Variants in RPS29 observed in about 807,000 individuals in gnomAD.
The protein encoded by RPS29 is small ribosomal subunit protein uS14.
For synonymous variants in RPS29, 37 were observed against 26.9 expected, an observed-to-expected ratio of 1.37 and a Z score of -1.16; for missense variants, 60 against 75.7, an observed-to-expected ratio of 0.79 and a Z score of 0.77.
At position 49,594,900 on chromosome 14, in the gene RPS29, A is replaced by G. The variant is rs560473605; in HGVS notation, c.-133+3500T>C. Among the ~76,000 whole-genome samples, 4 of 152,322 alleles carry G rather than the reference A, an allele frequency of 2.6e-5. No homozygotes were observed. The South Asian group carries it at 6.2e-4, about 24-fold the overall frequency. On this transcript the variant is annotated intron_variant, in intron 1 of 3. Coordinates refer to the RPS29 transcript ENST00000556230. ...ACAGCTCTGGCTCTGAGCCTCTGGA[A>G]CCAATGAACTCTGTTCATTGAACAG...
chr14:49,591,068 C>G (rs1036918352), upstream of RPS29, among the ~76,000 whole-genome samples: 1 of 151,810 alleles, frequency 6.6e-6, no homozygotes, highest in African/African-American at 2.4e-5. Context: ...TTGTCCATAT[C>G]GATTTTAGCA....
At chr14:49,581,246 GCT>G (rs1421460594), downstream of RPS29, among the ~76,000 whole-genome samples, 1 of 152,056 alleles carries the variant, frequency 6.6e-6, no homozygotes, top group African/African-American at 2.4e-5. Flanking sequence ...CAGTTAAGAT[GCT>G]CTTTCCATTC....
At chr14:49,580,573 G>A (rs1566477870), downstream of RPS29, among the ~76,000 whole-genome samples, 1 of 152,030 alleles carries the variant, frequency 6.6e-6, no homozygotes, top group African/African-American at 2.4e-5. Context: ...TCAATCACAT[G>A]TTTTCAAAAA....
At chr14:49,581,118 C>T (rs1881321918), downstream of RPS29, among the ~76,000 whole-genome samples, 1 of 151,158 alleles carries the variant, frequency 6.6e-6, no homozygotes, top group Non-Finnish European at 1.5e-5. Flanking sequence ...ACCTGGGAGG[C>T]GGAGGTTGCA....
chr14:49,571,123 C>A (rs560315650), exon 3 of RPS29: 1 of 152,274 alleles, frequency 6.6e-6, no homozygotes, highest in East Asian at 1.9e-4. Flanking sequence ...CTTTATTGTG[C>A]CCTAAAGAAG....
intron 2 of RPS29, 95 bp from the exon 3 acceptor site, chr14:49,583,770 T>C: frequency 2.5e-6 from 2 of 798,966 alleles, no homozygotes; most frequent in Non-Finnish European, 4.3e-6. Flanking sequence ...GTTATAGAAT[T>C]ACAGAACTGG....
At chr14:49,598,487 C>G (rs1211254994) in exon 1 of RPS29, 1 of 702,380 alleles carries the variant, frequency 1.4e-6, no homozygotes, top group Middle Eastern at 2.3e-4. Context: ...GGTGTGCCTC[C>G]GGAGAGCAGC....
At chr14:49,572,680 T>A (rs1355288127) in exon 3 of RPS29, 1 of 152,206 alleles carries the variant, frequency 6.6e-6, no homozygotes, top group East Asian at 1.9e-4. Flanking sequence ...GTCATCATGC[T>A]TTGCTCCCTT....
chr14:49,593,006 A>G (rs1881748817), intron 1 of RPS29, among the ~76,000 whole-genome samples: 1 of 152,180 alleles, frequency 6.6e-6, no homozygotes, highest in Admixed American at 6.5e-5. Context: ...TGATATTTTT[A>G]AAGTTTTTAT....
chr14:49,573,766 G>C (rs1261347193), exon 3 of RPS29: 2 of 152,158 alleles, frequency 1.3e-5, no homozygotes, highest in Non-Finnish European at 2.9e-5. Flanking sequence ...GTGGTTGTCT[G>C]AATATGTCAT....
intron 1 of RPS29, among the ~76,000 whole-genome samples, chr14:49,595,393 C>G (rs1473821722): frequency 6.6e-6 from 1 of 151,730 alleles, no homozygotes; most frequent in East Asian, 1.9e-4. Flanking sequence ...CAAGACCAGA[C>G]TAGGCAACAT....
At chr14:49,581,805 G>T (rs1418910513), downstream of RPS29, among the ~76,000 whole-genome samples, 2 of 151,980 alleles carry the variant, frequency 1.3e-5, no homozygotes, top group Non-Finnish European at 1.5e-5. Context: ...AAGGCGGGCT[G>T]ATCACTTGAA....
At chr14:49,586,542 C>A, upstream of RPS29, 2 of 609,226 alleles carry the variant, frequency 3.3e-6, no homozygotes, top group South Asian at 1.9e-5. Context: ...CGTCACCATA[C>A]CACAGCTTCT....
chr14:49,579,881 CTT>C (rs1881288042), downstream of RPS29, among the ~76,000 whole-genome samples: 1 of 152,194 alleles, frequency 6.6e-6, no homozygotes. Flanking sequence ...CGTTTTGTCT[CTT>C]TCTTTGGGAG....
upstream of RPS29, among the ~76,000 whole-genome samples, chr14:49,589,531 C>T (rs1594576661): frequency 6.6e-6 from 1 of 152,082 alleles, no homozygotes; most frequent in Non-Finnish European, 1.5e-5. Context: ...TGTGATCATC[C>T]ATCCAGAATT....
downstream of RPS29, among the ~76,000 whole-genome samples, chr14:49,582,012 C>CCAAAAAAAA (rs71115379): frequency 6.6e-5 from 7 of 106,506 alleles, 1 homozygote; most frequent in Admixed American, 2.1e-4. Flanking sequence ...CCCTGCCCCC[C>CCAAAAAAAA]AAAAAAAAAA....
upstream of RPS29, among the ~76,000 whole-genome samples, chr14:49,587,483 T>A (rs1348616161): frequency 6.6e-6 from 1 of 152,198 alleles, no homozygotes; most frequent in African/African-American, 2.4e-5. Flanking sequence ...ACATATAAAC[T>A]TTTATAAATT....
At chr14:49,579,697 G>A (rs1881283120), downstream of RPS29, among the ~76,000 whole-genome samples, 1 of 152,094 alleles carries the variant, frequency 6.6e-6, no homozygotes, top group African/African-American at 2.4e-5. Flanking sequence ...AATCTACAAG[G>A]CATCTTGCTA....
chr14:49,596,179 TATTA>T (rs1388354170), intron 1 of RPS29, among the ~76,000 whole-genome samples: 2 of 152,224 alleles, frequency 1.3e-5, no homozygotes, highest in Non-Finnish European at 2.9e-5. Flanking sequence ...GATTTGATCA[TATTA>T]ATTAATATGA....
Sources: gnomAD v4.1 joint callset for allele counts (sites outside exome capture counted in the v4.1 genomes callset) on GRCh38, gnomAD v4.1.1 for gene constraint, MANE v1.5 for transcripts, NCBI Gene and HGNC (gene_info 2026-07-23, HGNC 2026-07-21) for gene names.